ADAM11: variants seen among roughly 807,000 people sequenced by gnomAD.
ADAM11 encodes ADAM metallopeptidase domain 11.
In ADAM11, 49 loss-of-function variants were observed where a neutral mutation model predicts 119.1. The ratio of observed to expected loss-of-function variants is 0.41; its 90% confidence interval spans 0.33 to 0.52. The LOEUF (loss-of-function observed/expected upper bound fraction) is 0.52. Ranked by LOEUF, ADAM11 falls within the 20% of genes least tolerant of loss-of-function variation. The pLI is 0.20. For synonymous variants in ADAM11, 364 were observed against 408.0 expected (o/e 0.89, Z 1.30); for missense variants, 777 against 1,047.5 (o/e 0.74, Z 3.56).
rs754519883 is a variant in ADAM11, at chr17:44,772,464, C to G, written c.676C>G (p.Gln226Glu). The change falls in exon 8 of 27, where the codon CAG (glutamine) becomes GAG (glutamate). Residue 226 changes from glutamine to glutamate, a missense_variant and splice_region_variant. By Grantham distance (29) the Gln-to-Glu change is conservative. Around this residue, in one of 4 missense-constraint regions of ADAM11, gnomAD observed 278 missense variants for 310.1 expected, o/e 0.90. Transcript: ENST00000200557. This position sits in a 1 kb window ranked among gnomAD's most constrained non-coding sequence, Gnocchi z 4.5. ...PNRPRLRRKR[Q>E]VRRGHPTVHS... ...CCGGCCGAGGCTGAGAAGGAAAAGG[C>G]AGGTACGGGGGCCCGCACAGACCTC... is the stretch of plus-strand genomic sequence containing the variant. The G allele has an allele frequency of 1.4e-5, 22 of 1,567,952 alleles. No individual in the cohort carries two copies. Among genetic ancestry groups the G allele is most frequent in the Non-Finnish European group, 1.5e-5 (17 of 1,156,522 alleles).
At chr17:44,779,404 T>C (rs992418476) in intron 26 of ADAM11, 165 bp downstream of exon 26, 3 of 985,166 alleles carry the variant, frequency 3.0e-6, no homozygotes, top group Non-Finnish European at 3.6e-6. Flanking sequence ...TGGGAGAGCC[T>C]CGCTCAGGGA....
rs776774470 is a variant in ADAM11, at chr17:44,774,389, G to T, written c.1077+10G>T. ...CGGGGGTGTGAACGAGGTGAGCAGT[G>T]GGGGGACATGGCTGGGGTGGCGGCT... On this transcript the variant is annotated intron_variant, in intron 12 of 26. Coordinates refer to ENST00000200557, the MANE Select transcript of ADAM11 (RefSeq NM_002390.6). 6 of 1,512,858 alleles carry T rather than the reference G, an allele frequency of 4.0e-6. No individual in the cohort carries two copies. In the South Asian group the frequency reaches 5.1e-5, roughly 13 times the overall value. 93.7% of individuals were successfully genotyped at this position (1,512,858 alleles called of 1,614,324 possible). A position where few individuals can be genotyped will look rare whatever the true frequency, so the allele number is the denominator to read the frequency against.
Position 44,769,813 on chromosome 17 carries a change from C to A in ADAM11, c.314+19C>A. On this transcript the variant is annotated intron_variant, in intron 3 of 26. Transcript: ENST00000200557. ...TGAACCAGTGAGTGTGGCCTTGAGC[C>A]CAAGAGGAAGGGCAGTGGTGGGGCG... 1 of 1,613,170 alleles carries A rather than the reference C, an allele frequency of 6.2e-7. No homozygotes were observed. Among genetic ancestry groups the A allele is most frequent in the Non-Finnish European group, 8.5e-7 (1 of 1,179,148 alleles).
rs1350288767 is a variant in ADAM11 at position 44,772,380 on chromosome 17, C to T, written c.611-19C>T. ...GGGGAGGGGCCGGCTGTGCCCCCCTCACCTGCCCCTCCCCACAGGCTGCCT... is the reference window on the plus strand; with the variant it reads ...GGGGAGGGGCCGGCTGTGCCCCCCTTACCTGCCCCTCCCCACAGGCTGCCT... On this transcript the variant is annotated intron_variant, in intron 7 of 26. Transcript: ENST00000200557. This position sits in a 1 kb window ranked among gnomAD's most constrained non-coding sequence, Gnocchi z 4.5. 2 of 1,579,360 alleles carry T rather than the reference C, an allele frequency of 1.3e-6. No individual in the cohort carries two copies. Among genetic ancestry groups the T allele is most frequent in the Admixed American group, 1.8e-5 (1 of 55,276 alleles).
At chr17:44,779,631 A>T in intron 26 of ADAM11, 108 bp from the exon 27 acceptor site, 1 of 1,500,138 alleles carries the variant, frequency 6.7e-7, no homozygotes, top group African/African-American at 1.4e-5. Flanking sequence ...CCAGCCTGTG[A>T]CTTGCCGCCT....
chr17:44,763,619 A>G (rs923816817), intron 2 of ADAM11, among the ~76,000 whole-genome samples: 5 of 151,812 alleles, frequency 3.3e-5, no homozygotes, highest in Non-Finnish European at 7.4e-5. Flanking sequence ...CTGGTTGTTC[A>G]CTCCACTAGG....
Position 44,772,533 on chromosome 17 carries a change from C to G in ADAM11, c.678+67C>G. 1 of 1,523,408 alleles carries G rather than the reference C, an allele frequency of 6.6e-7. No individual in the cohort carries two copies. Among genetic ancestry groups the G allele is most frequent in the Admixed American group, 2.0e-5 (1 of 50,006 alleles). The allele number at this position is 1,523,408 out of a possible 1,614,324, so 94.4% of individuals were successfully genotyped here. On this transcript the variant is annotated intron_variant, in intron 8 of 26. Coordinates refer to ENST00000200557, the MANE Select transcript of ADAM11 (RefSeq NM_002390.6). The surrounding 1 kb of genome is among the most constrained non-coding windows in gnomAD (Gnocchi z 4.5). ...GCTGCAGAGAGACCTCAGGCCGTGG[C>G]CCAGAGCAGGAGGGCACCCTCATCT... is the stretch of plus-strand genomic sequence containing the variant.
Position 44,772,065 on chromosome 17 carries a change from C to T in ADAM11, c.544-202C>T, listed in dbSNP as rs1044102333. Among the ~76,000 whole-genome samples the T allele has an allele frequency of 1.4e-4, 21 of 152,246 alleles. No individual in the cohort carries two copies. Among genetic ancestry groups the T allele is most frequent in the African/African-American group, 4.6e-4 (19 of 41,542 alleles). On this transcript the variant is annotated intron_variant, in intron 6 of 26. Transcript: ENST00000200557. The surrounding 1 kb of genome is among the most constrained non-coding windows in gnomAD (Gnocchi z 4.5). ...GTGACCTCCCATTGGGCTCCAATGT[C>T]CTTTGCCCCTGTCTCTCAGGGTGCC...
In ADAM11 at chr17:44,775,518, G is replaced by A. The variant is rs903111330; in HGVS notation, c.1392+53G>A. On this transcript the variant is annotated intron_variant, in intron 16 of 26. Transcript: ENST00000200557. The surrounding 1 kb of genome is among the most constrained non-coding windows in gnomAD (Gnocchi z 7.5). ...GGAACCGGGATGCGGGGGTGGGCAC[G>A]AGGGAGCGTCTGAGTGGGAGGATTA... is the stretch of plus-strand genomic sequence containing the variant. 64 of 1,576,224 alleles carry A rather than the reference G, an allele frequency of 4.1e-5. No homozygotes were observed. Among genetic ancestry groups the A allele is most frequent in the Non-Finnish European group, 5.0e-5 (58 of 1,164,792 alleles).
At chr17:44,760,036 G>A in intron 2 of ADAM11, 139 bp downstream of exon 2, 6 of 905,592 alleles carry the variant, frequency 6.6e-6, no homozygotes, top group Non-Finnish European at 8.7e-6. Flanking sequence ...TATCCGGTGG[G>A]TGCTGGAGCC....
At chr17:44,770,159 C>T (rs2049502324) in intron 4 of ADAM11, 111 bp downstream of exon 4, 3 of 1,317,962 alleles carry the variant, frequency 2.3e-6, no homozygotes, top group Non-Finnish European at 1.1e-6. Flanking sequence ...GGGTCCTGGG[C>T]CTGGCCCCTC....
intron 1 of ADAM11, 77 bp from the exon 2 acceptor site, chr17:44,759,645 G>C: frequency 7.6e-7 from 1 of 1,308,330 alleles, no homozygotes; most frequent in South Asian, 3.2e-5. Flanking sequence ...AGTGGGGGAT[G>C]AGGCATGCCC....
intron 2 of ADAM11, among the ~76,000 whole-genome samples, chr17:44,760,713 A>G (rs554156100): frequency 6.6e-6 from 1 of 152,222 alleles, no homozygotes; most frequent in East Asian, 1.9e-4. Flanking sequence ...GAAGAGGGGT[A>G]CAACTGAGGC....
At chr17:44,763,809 C>T (rs749486400) in intron 2 of ADAM11, among the ~76,000 whole-genome samples, 1 of 151,968 alleles carries the variant, frequency 6.6e-6, no homozygotes, top group African/African-American at 2.4e-5. Flanking sequence ...CTCTGCCTCC[C>T]GGGTTCAAGT....
intron 25 of ADAM11, 111 bp from the exon 26 acceptor site, chr17:44,779,111 G>A (rs2049653416): frequency 1.3e-5 from 18 of 1,416,112 alleles, no homozygotes; most frequent in Admixed American, 5.2e-5. Flanking sequence ...CGGGGACCCC[G>A]GCCCCGCTCT....
At chr17:44,765,610 C>CTTTTTTTTTTTTTTTTTTTTTTTTTTTTT (rs748123040) in intron 2 of ADAM11, among the ~76,000 whole-genome samples, 2 of 99,876 alleles carry the variant, frequency 2.0e-5, no homozygotes, top group Non-Finnish European at 3.6e-5. Flanking sequence ...TTTCTTTTCT[C>CTTTTTTTTTTTTTTTTTTTTTTTTTTTTT]TTTTTTTTTT....
Position 44,772,980 on chromosome 17 carries a change from AG to A in ADAM11, c.754-33del. 1 of 1,613,854 alleles carries A rather than the reference AG, an allele frequency of 6.2e-7. No individual in the cohort carries two copies. The highest frequency in any genetic ancestry group is 8.5e-7 in the Non-Finnish European group (1 of 1,179,804). On this transcript the variant is annotated intron_variant, in intron 9 of 26. Transcript: ENST00000200557. The surrounding 1 kb of genome is among the most constrained non-coding windows in gnomAD (Gnocchi z 4.5). ...GCGTGACACTGGGAGGCCCCTGAGG[AG>A]CCTGGCCCTCCTCCCATTCTTCTCT...
At chr17:44,765,610 C>A (rs373608625) in intron 2 of ADAM11, among the ~76,000 whole-genome samples, 2 of 99,876 alleles carry the variant, frequency 2.0e-5, no homozygotes, top group South Asian at 6.6e-4. Flanking sequence ...TTTCTTTTCT[C>A]TTTTTTTTTT....
chr17:44,779,942 G>T lies in ADAM11; in HGVS notation c.*188G>T. ...CCTTGGCACCACCAGGGTGGACCAG[G>T]CCTGGAGGGCACTTCCTCCACAGTC... is the stretch of plus-strand genomic sequence containing the variant. On this transcript the variant is annotated 3_prime_UTR_variant, in exon 27 of 27. Transcript: ENST00000200557. 1.2e-6 allele frequency: 1 copy of T among 834,238 alleles called. No homozygotes were observed. Among genetic ancestry groups the T allele is most frequent in the South Asian group, 1.4e-5 (1 of 69,952 alleles). 51.7% of individuals were successfully genotyped at this position (834,238 alleles called of 1,614,324 possible).
Sources: allele counts gnomAD v4.1 joint callset (sites outside exome capture counted in the v4.1 genomes callset), GRCh38; gene constraint gnomAD v4.1.1; regional missense constraint gnomAD v4.1.1; non-coding constraint Gnocchi (gnomAD v3.1); transcripts MANE v1.5; gene names NCBI Gene and HGNC (gene_info 2026-07-23, HGNC 2026-07-21).